Variants in ARHGEF40 observed in about 807,000 individuals in gnomAD.
The protein encoded by ARHGEF40 is Rho guanine nucleotide exchange factor 40.
In ARHGEF40, 98 loss-of-function variants were observed where a neutral mutation model predicts 165.9. The observed-to-expected ratio is 0.59, with a 90% confidence interval of 0.50 to 0.70. ARHGEF40 has a LOEUF of 0.70. ARHGEF40 is among the 30% of genes least tolerant of loss of function. The pLI, the probability that ARHGEF40 is intolerant of heterozygous loss-of-function variation, is 0.00. For synonymous variants in ARHGEF40, 792 were observed against 814.3 expected (o/e 0.97, Z 0.47); for missense variants, 1,815 against 1,968.0 (o/e 0.92, Z 1.47).
chr14:21,078,755 G>T, intron 10 of ARHGEF40, 129 bp from the exon 11 acceptor site: 3 of 1,355,758 alleles, frequency 2.2e-6, no homozygotes, highest in Non-Finnish European at 2.0e-6. Context: ...AAGCAGTCAG[G>T]GTTCAGCCCA....
rs1366398556 is a variant in ARHGEF40 at position 21,076,556 on chromosome 14, C to T, written c.1837-7C>T. On this transcript the variant is annotated splice_region_variant and splice_polypyrimidine_tract_variant and intron_variant, in intron 6 of 23. Coordinates refer to ENST00000298694, the MANE Select transcript of ARHGEF40 (RefSeq NM_018071.5). Reference sequence around the variant, plus strand: ...CCCAGTTTAGGGTTATTCTTTTCTGCCCTTAGGACTCAGGAGATCCTCCCC... The same window carrying T: ...CCCAGTTTAGGGTTATTCTTTTCTGTCCTTAGGACTCAGGAGATCCTCCCC... 3 of 1,614,176 alleles carry T rather than the reference C, an allele frequency of 1.9e-6. No individual in the cohort carries two copies. Among genetic ancestry groups the T allele is most frequent in the Non-Finnish European group, 2.5e-6 (3 of 1,180,014 alleles).
chr14:21,076,991 C>A, intron 8 of ARHGEF40, 101 bp downstream of exon 8: 1 of 1,001,686 alleles, frequency 1.0e-6, no homozygotes, highest in Non-Finnish European at 1.5e-6. Flanking sequence ...CATGAGGTTG[C>A]AAAAAAGTGG....
chr14:21,063,508 G>A, the ARHGEF40 span, among the ~76,000 whole-genome samples: 4 of 152,190 alleles, frequency 2.6e-5, no homozygotes, highest in Non-Finnish European at 5.9e-5. Context: ...AACATGGGCA[G>A]AGACCTGGAG....
At chr14:21,081,103 A>C (rs1240751897) in intron 13 of ARHGEF40, 87 bp downstream of exon 13, 7 of 1,523,946 alleles carry the variant, frequency 4.6e-6, no homozygotes, top group Non-Finnish European at 6.2e-6. Context: ...AAGTTGTTAA[A>C]AGTGGAGGCT....
chr14:21,066,090 CT>C (rs1267280406), upstream of ARHGEF40, among the ~76,000 whole-genome samples: 2 of 152,052 alleles, frequency 1.3e-5, no homozygotes, highest in Admixed American at 6.6e-5. Flanking sequence ...CAGAGCAAGA[CT>C]TTTTTTCAAC....
At chr14:21,065,974 C>G (rs1046498854), upstream of ARHGEF40, among the ~76,000 whole-genome samples, 8 of 152,152 alleles carry the variant, frequency 5.3e-5, no homozygotes, top group African/African-American at 1.7e-4. Flanking sequence ...TGGTGCAAGC[C>G]TGTAAACCCA....
chr14:21,066,762 G>T (rs1886292246), upstream of ARHGEF40, among the ~76,000 whole-genome samples: 2 of 152,150 alleles, frequency 1.3e-5, no homozygotes, highest in Admixed American at 1.3e-4. Context: ...TGGTGGTATG[G>T]ACCTTGATGA....
At position 21,081,513 on chromosome 14, in the gene ARHGEF40, A is replaced by G. The variant is rs752233720; in HGVS notation, c.2645A>G (p.His882Arg). ...CCAACCCCTTTGACTTCGTAGGCAC[A>G]TGAATGGGTGGATGAGGGCTTTGCT... ...LRLQRFFQQA[H>R]EWVDEGFARL... The change falls in exon 14 of 24, where the codon CAT becomes CGT. Residue 882 changes from histidine (H) to arginine (R), a missense_variant. Transcript: ENST00000298694. The G allele has an allele frequency of 3.1e-6, 5 of 1,612,988 alleles. No homozygotes were observed. Among genetic ancestry groups the G allele is most frequent in the Admixed American group, 1.7e-5 (1 of 60,002 alleles).
chr14:21,069,782 G>A (rs561169949), upstream of ARHGEF40, among the ~76,000 whole-genome samples: 1 of 152,332 alleles, frequency 6.6e-6, no homozygotes, highest in Non-Finnish European at 1.5e-5. Context: ...GCAGGCAGGG[G>A]CCTGAAGGTC....
chr14:21,085,076 C>T (rs1054179664), intron 18 of ARHGEF40, among the ~76,000 whole-genome samples, 153 bp downstream of exon 18: 1 of 152,158 alleles, frequency 6.6e-6, no homozygotes, highest in African/African-American at 2.4e-5. Context: ...GTTAGGGTGT[C>T]AGGGGATGTT....
chr14:21,080,956 G>T lies in ARHGEF40; in HGVS notation c.2580G>T (p.Arg860=), dbSNP rs1448312408. The change falls in exon 13 of 24, where the codon CGG becomes CGT. Residue 860 remains arginine, a synonymous_variant. Coordinates refer to ENST00000298694, the MANE Select transcript of ARHGEF40 (RefSeq NM_018071.5). ...SQKVLDIFEQ[R]LEQVESGLHR... ...AGGTGCTGGATATCTTTGAACAGCG[G>T]CTGGAGCAGGTTGAGAGTGGCCTCC... 6.2e-7 allele frequency: 1 copy of T among 1,614,218 alleles called. No individual in the cohort carries two copies. Among genetic ancestry groups the T allele is most frequent in the South Asian group, 1.1e-5 (1 of 91,088 alleles).
chr14:21,087,687 C>T, intron 21 of ARHGEF40: 1 of 716,268 alleles, frequency 1.4e-6, no homozygotes, highest in East Asian at 2.7e-5. Context: ...CTCTCTAGCT[C>T]TTCTTGGGTT....
At position 21,070,683 on chromosome 14, in the gene ARHGEF40, CCCT is replaced by C; in HGVS notation, c.3+289_3+291del. On this transcript the variant is annotated intron_variant, in intron 1 of 23. Transcript: ENST00000298694. The surrounding 1 kb of genome is among the most constrained non-coding windows in gnomAD (Gnocchi z 4.7). ...AATCCACACACCTCCCCGCTCCCCG[CCCT>C]CCTCTGTCCTGACCTGTGCCTTCCT... 1.0e-6 allele frequency: 1 copy of C among 963,980 alleles called. No individual in the cohort carries two copies. The highest frequency in any genetic ancestry group is 1.5e-6 in the Non-Finnish European group (1 of 653,428). 59.7% of individuals were successfully genotyped at this position (963,980 alleles called of 1,614,324 possible).
upstream of ARHGEF40, among the ~76,000 whole-genome samples, chr14:21,067,766 A>ACAC (rs1355926794): frequency 1.3e-5 from 2 of 151,424 alleles, no homozygotes; most frequent in Non-Finnish European, 2.9e-5. Flanking sequence ...ACACGTACAC[A>ACAC]CACACACACA....
rs757313150 is a variant in ARHGEF40, at chr14:21,075,321, T to C, written c.1451-11T>C. 2 of 1,613,738 alleles carry C rather than the reference T, an allele frequency of 1.2e-6. No individual in the cohort carries two copies. The highest frequency in any genetic ancestry group is 8.5e-7 in the Non-Finnish European group (1 of 1,179,968). The stretch of plus-strand genomic sequence containing the variant: ...AACTTCAGTCCCATGTTTCTGTCTG[T>C]GTCTGTGCAGGACACACAGGCCCAG... On this transcript the variant is annotated splice_polypyrimidine_tract_variant and intron_variant, in intron 3 of 23. Transcript: ENST00000298694. The surrounding 1 kb of genome is among the most constrained non-coding windows in gnomAD (Gnocchi z 4.5).
the ARHGEF40 span, among the ~76,000 whole-genome samples, chr14:21,065,196 C>A: frequency 6.6e-3 from 1,002 of 151,374 alleles, 6 homozygotes; most frequent in Non-Finnish European, 8.2e-3. Flanking sequence ...ACAACAACAA[C>A]AAAAAAATTC....
chr14:21,074,753 G>A lies in ARHGEF40; in HGVS notation c.1023G>A (p.Val341=). The part of the protein sequence containing the change: ...LEVSEPPAEA[V]GEASGSCPLR... ...TGTCTGAGCCCCCAGCAGAGGCTGT[G>A]GGAGAAGCCTCCGGATCTTGCCCCC... The change falls in exon 3 of 24, where the codon GTG becomes GTA. Residue 341 remains valine (V), a synonymous_variant. Transcript: ENST00000298694. This position sits in a 1 kb window ranked among gnomAD's most constrained non-coding sequence, Gnocchi z 4.8. 6.2e-7 allele frequency: 1 copy of A among 1,609,586 alleles called. No homozygotes were observed. The highest frequency in any genetic ancestry group is 8.5e-7 in the Non-Finnish European group (1 of 1,178,666).
chr14:21,076,270 A>G (rs1887406570), intron 5 of ARHGEF40, 90 bp from the exon 6 acceptor site: 3 of 1,109,294 alleles, frequency 2.7e-6, no homozygotes, highest in South Asian at 1.4e-5. Flanking sequence ...ACTATTAACT[A>G]AAAACAGACC....
chr14:21,076,575 C>T lies in ARHGEF40; in HGVS notation c.1849C>T (p.Pro617Ser), dbSNP rs781745816. 5 of 1,614,140 alleles carry T rather than the reference C, an allele frequency of 3.1e-6. No homozygotes were observed. In the South Asian group the frequency reaches 3.3e-5, roughly 11 times the overall value. Residue 617 changes from proline to serine, a missense_variant, in exon 7 of 24, where the codon CCT (proline) becomes TCT (serine). Pro to Ser is a moderately conservative substitution (Grantham distance 74). Coordinates refer to ENST00000298694, the MANE Select transcript of ARHGEF40 (RefSeq NM_018071.5). Reference protein sequence around the residue: ...ALSQLQDSGDPPLVQRLLILI... With the variant: ...ALSQLQDSGDSPLVQRLLILI... ...TTTCTGCCCTTAGGACTCAGGAGAT[C>T]CTCCCCTTGTTCAGCGGCTGCTGAT...
Sources: gnomAD v4.1 joint callset for allele counts (sites outside exome capture counted in the v4.1 genomes callset) on GRCh38, gnomAD v4.1.1 for gene constraint, Gnocchi (gnomAD v3.1) non-coding constraint, MANE v1.5 for transcripts, NCBI Gene and HGNC (gene_info 2026-07-23, HGNC 2026-07-21) for gene names.